The following NRDC variants were observed in gnomAD, a reference collection of about 807,000 sequenced individuals.
NRDC encodes nardilysin convertase, also known as nardilysin.
A neutral mutation model predicts 147.1 loss-of-function variants in NRDC; 54 were observed. The observed-to-expected ratio is 0.37, with a 90% confidence interval of 0.29 to 0.46. The LOEUF (loss-of-function observed/expected upper bound fraction) is 0.46. NRDC is among the 20% of genes least tolerant of loss of function. NRDC has a pLI of 1.00. For missense variants in NRDC, 1,082 were observed against 1,370.6 expected (o/e 0.79, Z 3.33); for synonymous variants, 440 against 482.1 (o/e 0.91, Z 1.14).
At chr1:51,791,137 A>T (rs1251845654) in intron 27 of NRDC, 147 bp from the exon 28 acceptor site, 1 of 625,546 alleles carries the variant, frequency 1.6e-6, no homozygotes, top group African/African-American at 1.8e-5. Context: ...CCCAGGCCTC[A>T]GTATTCCACC....
At chr1:51,832,991 T>C (rs755189130) in intron 4 of NRDC, among the ~76,000 whole-genome samples, 2 of 152,226 alleles carry the variant, frequency 1.3e-5, no homozygotes, top group Non-Finnish European at 2.9e-5. Flanking sequence ...TAAAATGATA[T>C]ATCTTGCTTA....
At chr1:51,810,191 C>T (rs1679651184) in intron 16 of NRDC, 90 bp downstream of exon 16, 14 of 891,914 alleles carry the variant, frequency 1.6e-5, no homozygotes, top group South Asian at 7.0e-5. Context: ...ATACTTTTTC[C>T]CCCTCTAGAA....
At chr1:51,814,870 CA>C in intron 11 of NRDC, 57 bp from the exon 12 acceptor site, 1 of 1,479,022 alleles carries the variant, frequency 6.8e-7, no homozygotes, top group Non-Finnish European at 9.0e-7. Flanking sequence ...AGTCTACAGA[CA>C]TTCAAATTAA....
intron 1 of NRDC, among the ~76,000 whole-genome samples, chr1:51,843,687 T>A (rs1486742583): frequency 6.6e-5 from 10 of 152,084 alleles, no homozygotes; most frequent in Non-Finnish European, 1.5e-5. Flanking sequence ...TTGAAAAAAA[T>A]TATTTTCCTC....
intron 19 of NRDC, 67 bp from the exon 20 acceptor site, chr1:51,804,031 C>T: frequency 7.3e-7 from 1 of 1,370,948 alleles, no homozygotes; most frequent in Admixed American, 2.4e-5. Context: ...AGATTTGCTT[C>T]AATTTAGAGT....
intron 1 of NRDC, among the ~76,000 whole-genome samples, chr1:51,876,487 T>C (rs1486140587): frequency 1.3e-5 from 2 of 152,210 alleles, no homozygotes; most frequent in Non-Finnish European, 2.9e-5. Context: ...AAACAAAGTT[T>C]GTGTACATGA....
At chr1:51,862,967 G>A (rs1448347424) in intron 1 of NRDC, among the ~76,000 whole-genome samples, 2 of 119,180 alleles carry the variant, frequency 1.7e-5, no homozygotes, top group Non-Finnish European at 3.2e-5. Flanking sequence ...CTGAAATCAG[G>A]CCACTGCACA....
In NRDC at chr1:51,814,703, T is replaced by C; in HGVS notation, c.1550A>G (p.His517Arg). ...ATTTGAATTATTTACCTCATAAAAATGTTCATAACCCTCATCAGTCAATGT... is the reference window on the plus strand; with the variant it reads ...ATTTGAATTATTTACCTCATAAAAACGTTCATAACCCTCATCAGTCAATGT... ...SITLTDEGYE[H>R]FYEVAYTVFQ... The change falls in exon 12 of 31, where the codon CAT (histidine) becomes CGT (arginine). Residue 517 changes from histidine to arginine, a missense_variant. Physicochemically the swap from His to Arg is conservative, Grantham distance 29. Around this residue, in one of 3 missense-constraint regions of NRDC, gnomAD observed 635 missense variants for 923.8 expected, o/e 0.69. Transcript: ENST00000352171. 1 of 1,608,060 alleles carries C rather than the reference T, an allele frequency of 6.2e-7. No homozygotes were observed. Among genetic ancestry groups the C allele is most frequent in the Non-Finnish European group, 8.5e-7 (1 of 1,176,734 alleles).
Position 51,878,433 on chromosome 1 carries a change from G to C in NRDC, c.183C>G (p.Ser61Arg). The change falls in exon 1 of 31, where the codon AGC (serine) becomes AGG (arginine). Residue 61 changes from serine (S) to arginine (R), a missense_variant. Around this residue, in one of 3 missense-constraint regions of NRDC, gnomAD observed 260 missense variants for 253.2 expected, o/e 1.03. Transcript: ENST00000352171. ...GTCCATTGGGCTGCAGGTCAGGGCAGCTGCAGGTAGACTTCGCCTTGTTCC... is the reference window on the plus strand; with the variant it reads ...GTCCATTGGGCTGCAGGTCAGGGCACCTGCAGGTAGACTTCGCCTTGTTCC... The part of the protein sequence containing the change: ...PGRNKAKSTC[S>R]CPDLQPNGQD... The C allele has an allele frequency of 6.2e-7, 1 of 1,614,124 alleles. No homozygotes were observed. Among genetic ancestry groups the C allele is most frequent in the Non-Finnish European group, 8.5e-7 (1 of 1,180,050 alleles).
intron 9 of NRDC, 34 bp from the exon 10 acceptor site, chr1:51,818,169 A>C: frequency 7.0e-7 from 1 of 1,433,460 alleles, no homozygotes; most frequent in Non-Finnish European, 9.6e-7. Flanking sequence ...GAACAGATGT[A>C]AGTGTTTCTC....
intron 1 of NRDC, among the ~76,000 whole-genome samples, chr1:51,871,515 T>TAAA (rs60495773): frequency 5.7e-4 from 12 of 21,018 alleles, no homozygotes; most frequent in African/African-American, 9.2e-4. Flanking sequence ...ACTGGTTCAT[T>TAAA]AAAAAAAAAA....
chr1:51,840,947 A>G lies in NRDC; in HGVS notation c.342-433T>C, dbSNP rs960084914. 2.0e-5 allele frequency among the ~76,000 whole-genome samples: 3 copies of G among 152,218 alleles called. No homozygotes were observed. The East Asian group carries it at 5.8e-4, about 29-fold the overall frequency. ...TATACAGAACAGTCATGTCAGCTTA[A>G]TATTAAAGCAAAATCACACAAAATT... On this transcript the variant is annotated intron_variant, in intron 1 of 30. Transcript: ENST00000352171.
intron 1 of NRDC, among the ~76,000 whole-genome samples, chr1:51,852,711 G>A (rs1297420535): frequency 2.0e-5 from 3 of 151,516 alleles, no homozygotes; most frequent in Non-Finnish European, 2.9e-5. Flanking sequence ...AATTACTTCA[G>A]GTGATCACAC....
In NRDC at chr1:51,791,633, T is replaced by C; in HGVS notation, c.2905A>G (p.Thr969Ala). ...GYHVYPTCRN[T>A]SGILGFSVTV... ...ACAGAAAATCCTAGAATCCCGGATG[T>C]GTTCCTACAGGTAGGGTAGACATGG... Residue 969 changes from threonine (T) to alanine (A), a missense_variant, in exon 27 of 31, where the codon ACA (threonine) becomes GCA (alanine). Thr to Ala is a moderately conservative substitution (Grantham distance 58). Transcript: ENST00000352171. 6.2e-7 allele frequency: 1 copy of C among 1,613,976 alleles called. No individual in the cohort carries two copies. Among genetic ancestry groups the C allele is most frequent in the Non-Finnish European group, 8.5e-7 (1 of 1,179,850 alleles).
intron 1 of NRDC, among the ~76,000 whole-genome samples, chr1:51,844,156 C>T (rs1034499381): frequency 2.0e-5 from 3 of 152,022 alleles, no homozygotes; most frequent in East Asian, 1.9e-4. Flanking sequence ...CACCATCCCC[C>T]GACGCCCCAA....
chr1:51,857,292 G>A (rs1403084412), intron 1 of NRDC, among the ~76,000 whole-genome samples: 2 of 152,158 alleles, frequency 1.3e-5, no homozygotes, highest in Non-Finnish European at 2.9e-5. Context: ...TGCCCGAACT[G>A]TAACAAATCT....
chr1:51,829,961 A>C (rs1041662103), intron 4 of NRDC, among the ~76,000 whole-genome samples: 9 of 132,864 alleles, frequency 6.8e-5, no homozygotes, highest in Non-Finnish European at 9.7e-5. Flanking sequence ...TTTGTCTTTT[A>C]TTTCTTTTTT....
chr1:51,860,714 G>A (rs976535399), intron 1 of NRDC, among the ~76,000 whole-genome samples: 10 of 152,126 alleles, frequency 6.6e-5, no homozygotes, highest in Non-Finnish European at 1.3e-4. Flanking sequence ...ATAAACTTAC[G>A]TGTCTAGAAT....
At chr1:51,804,019 A>G in intron 19 of NRDC, 55 bp from the exon 20 acceptor site, 1 of 1,467,618 alleles carries the variant, frequency 6.8e-7, no homozygotes, top group Non-Finnish European at 9.2e-7. Flanking sequence ...GACACATGAA[A>G]TAGATTTGCT....
Sources: gnomAD v4.1 joint callset for allele counts (sites outside exome capture counted in the v4.1 genomes callset) on GRCh38, gnomAD v4.1.1 for gene constraint, gnomAD v4.1.1 regional missense constraint, MANE v1.5 for transcripts, NCBI Gene and HGNC (gene_info 2026-07-23, HGNC 2026-07-21) for gene names.